Variants in LRP1B observed in about 807,000 individuals in gnomAD.
The protein encoded by LRP1B is low-density lipoprotein receptor-related protein 1B.
In LRP1B, 217 loss-of-function variants were observed where a neutral mutation model predicts 556.6. That is an observed-to-expected ratio of 0.39 (90% CI 0.35 to 0.44). The LOEUF (loss-of-function observed/expected upper bound fraction) is 0.44. Ranked by LOEUF, LRP1B falls within the 20% of genes least tolerant of loss-of-function variation. LRP1B has a pLI of 1.00. For synonymous variants in LRP1B, 2,047 were observed against 1,865.8 expected (o/e 1.10, Z -2.50); for missense variants, 5,053 against 5,620.8 (o/e 0.90, Z 3.23).
intron 3 of LRP1B, among the ~76,000 whole-genome samples, chr2:141,478,180 T>C (rs955123763): frequency 6.6e-6 from 1 of 152,196 alleles, no homozygotes; most frequent in Non-Finnish European, 1.5e-5. Flanking sequence ...TCCCCTTTTA[T>C]GCTATTAACA....
At chr2:141,313,090 C>A (rs1686873504) in intron 3 of LRP1B, among the ~76,000 whole-genome samples, 1 of 152,164 alleles carries the variant, frequency 6.6e-6, no homozygotes, top group Admixed American at 6.5e-5. Flanking sequence ...CACCCCGACA[C>A]ACAGTAGAGT....
intron 3 of LRP1B, among the ~76,000 whole-genome samples, chr2:141,352,235 G>A (rs1688470455): frequency 6.6e-6 from 1 of 151,720 alleles, no homozygotes; most frequent in Non-Finnish European, 1.5e-5. Context: ...TTTGCAATAC[G>A]TGTTTACTAG....
intron 3 of LRP1B, among the ~76,000 whole-genome samples, chr2:141,394,473 T>TA (rs954295507): frequency 9.2e-5 from 14 of 152,082 alleles, no homozygotes; most frequent in South Asian, 2.1e-4. Flanking sequence ...TGAAATATGT[T>TA]AAAAAAAATC....
rs548165573 is a variant in LRP1B, at chr2:141,806,780, G to A, written c.205+3499C>T. Among the ~76,000 whole-genome samples, 313 of 151,902 alleles carry A rather than the reference G, an allele frequency of 2.1e-3. 1 individual carries two copies. Among genetic ancestry groups the A allele is most frequent in the African/African-American group, 7.2e-3 (300 of 41,380 alleles). On this transcript the variant is annotated intron_variant, in intron 2 of 90. Transcript: ENST00000389484. ...TCTGTACATATGTTTTCCTTCTAAA[G>A]CATTTTATAAGTAAGGCTTTTCTTC...
intron 3 of LRP1B, among the ~76,000 whole-genome samples, chr2:141,423,887 T>A (rs1043819456): frequency 6.6e-6 from 1 of 152,072 alleles, no homozygotes; most frequent in Non-Finnish European, 1.5e-5. Context: ...TGATTTTGGC[T>A]CTTTGAGGAA....
Position 140,867,673 on chromosome 2 carries a change from G to C in LRP1B, c.4496C>G (p.Thr1499Arg), listed in dbSNP as rs1349046993. 10 of 1,613,486 alleles carry C rather than the reference G, an allele frequency of 6.2e-6. No individual in the cohort carries two copies. The highest frequency in any genetic ancestry group is 8.5e-6 in the Non-Finnish European group (10 of 1,179,680). Residue 1499 changes from threonine to arginine, a missense_variant, in exon 27 of 91, where the codon ACA (threonine) becomes AGA (arginine). Thr to Arg is a moderately conservative substitution (Grantham distance 71). Transcript: ENST00000389484. The stretch of plus-strand genomic sequence containing the variant: ...CTGAATCACACTGACATTCTGCCCT[G>C]TCCACTTATTGGCTTTGGACAATGT... ...TNTLSKANKW[T>R]GQNVSVIQKT...
At chr2:140,901,431 C>G (rs148720643) in intron 23 of LRP1B, among the ~76,000 whole-genome samples, 2 of 151,608 alleles carry the variant, frequency 1.3e-5, no homozygotes, top group East Asian at 3.9e-4. Flanking sequence ...TCTTTTACCC[C>G]CTGTGCCAAT....
At chr2:141,560,795 T>G (rs1321905218) in intron 2 of LRP1B, among the ~76,000 whole-genome samples, 1 of 151,646 alleles carries the variant, frequency 6.6e-6, no homozygotes, top group African/African-American at 2.4e-5. Context: ...TAATCAAGCA[T>G]AATTAAGTAT....
intron 3 of LRP1B, among the ~76,000 whole-genome samples, chr2:141,348,530 A>G (rs1434519743): frequency 1.3e-5 from 2 of 152,024 alleles, no homozygotes; most frequent in Admixed American, 1.3e-4. Context: ...AAATAATTAG[A>G]TGGTTAAATA....
intron 7 of LRP1B, among the ~76,000 whole-genome samples, chr2:141,108,648 C>A (rs1700672565): frequency 6.6e-6 from 1 of 151,784 alleles, no homozygotes; most frequent in Middle Eastern, 3.2e-3. Context: ...CCGTGCCCGG[C>A]CAAAAATGTG....
At chr2:140,527,552 A>T (rs1001798017) in intron 47 of LRP1B, among the ~76,000 whole-genome samples, 2 of 151,984 alleles carry the variant, frequency 1.3e-5, no homozygotes, top group African/African-American at 4.8e-5. Context: ...AATGATGATT[A>T]GAATAAATGT....
chr2:141,249,844 G>A (rs1335150435), intron 4 of LRP1B, among the ~76,000 whole-genome samples: 1 of 151,630 alleles, frequency 6.6e-6, no homozygotes. Context: ...GAAAGAAGGG[G>A]ACATAGTCAC....
At chr2:140,301,168 T>C (rs535991330) in intron 83 of LRP1B, among the ~76,000 whole-genome samples, 1 of 152,210 alleles carries the variant, frequency 6.6e-6, no homozygotes, top group Admixed American at 6.6e-5. Context: ...CCCCTTTAGC[T>C]TCTAAATATG....
intron 41 of LRP1B, among the ~76,000 whole-genome samples, chr2:140,645,417 G>A (rs1684443017): frequency 6.6e-6 from 1 of 150,682 alleles, no homozygotes; most frequent in African/African-American, 2.4e-5. Flanking sequence ...TTAACTTCTT[G>A]TCTGTTCACT....
At chr2:141,087,252 T>C (rs1700069845) in intron 7 of LRP1B, among the ~76,000 whole-genome samples, 1 of 152,134 alleles carries the variant, frequency 6.6e-6, no homozygotes, top group African/African-American at 2.4e-5. Flanking sequence ...TGATTTGTGG[T>C]CCGTCTTGTG....
intron 1 of LRP1B, among the ~76,000 whole-genome samples, chr2:142,112,172 C>T (rs1707016389): frequency 6.6e-6 from 1 of 151,976 alleles, no homozygotes; most frequent in East Asian, 1.9e-4. Context: ...AATGCTCAAC[C>T]TTACTCTAGT....
chr2:141,174,727 T>A (rs1481528165), intron 7 of LRP1B, among the ~76,000 whole-genome samples: 1 of 152,080 alleles, frequency 6.6e-6, no homozygotes, highest in Non-Finnish European at 1.5e-5. Context: ...ACAGGGGCAC[T>A]GCTACAAAGA....
At chr2:141,461,528 A>G (rs1681873082) in intron 3 of LRP1B, among the ~76,000 whole-genome samples, 1 of 152,194 alleles carries the variant, frequency 6.6e-6, no homozygotes, top group Non-Finnish European at 1.5e-5. Flanking sequence ...AATAAGTGGT[A>G]TCTATACAAT....
intron 5 of LRP1B, among the ~76,000 whole-genome samples, chr2:141,231,683 C>T (rs1313027970): frequency 1.4e-5 from 2 of 140,080 alleles, no homozygotes; most frequent in South Asian, 2.4e-4. Context: ...TTATTGCTAT[C>T]GTGTGCACCT....
Sources: allele counts gnomAD v4.1 joint callset (sites outside exome capture counted in the v4.1 genomes callset), GRCh38; gene constraint gnomAD v4.1.1; transcripts MANE v1.5; gene names NCBI Gene and HGNC (gene_info 2026-07-23, HGNC 2026-07-21).